The following TVP23C variants were observed in gnomAD, a reference collection of about 807,000 sequenced individuals.
The protein encoded by TVP23C is trans-golgi network vesicle protein 23 homolog C.
Under a neutral mutation model 28.7 loss-of-function variants are expected in TVP23C, and 19 were observed. That is an observed-to-expected ratio of 0.66 (90% CI 0.46 to 0.97). The LOEUF (loss-of-function observed/expected upper bound fraction) is 0.97, where lower values mean the gene tolerates loss of function less well. TVP23C is among the 50% of genes least tolerant of loss of function. The pLI, the probability that TVP23C is intolerant of heterozygous loss-of-function variation, is 0.00. For synonymous variants in TVP23C, 68 were observed against 81.7 expected (o/e 0.83, Z 0.90); for missense variants, 186 against 241.3 (o/e 0.77, Z 1.52).
chr17:15,555,368 G>T lies in TVP23C; in HGVS notation c.13-4C>A. The stretch of plus-strand genomic sequence containing the variant: ...CTTCAGTGTCATCATTACTATCCTG[G>T]TTGGAAAAATAAATGGTCAAGAAGC... On this transcript the variant is annotated splice_polypyrimidine_tract_variant and splice_region_variant and intron_variant, in intron 1 of 5. Transcript: ENST00000518321. 1 of 1,613,868 alleles carries T rather than the reference G, an allele frequency of 6.2e-7. No individual in the cohort carries two copies. Among genetic ancestry groups the T allele is most frequent in the Non-Finnish European group, 8.5e-7 (1 of 1,179,840 alleles).
intron 1 of TVP23C, among the ~76,000 whole-genome samples, chr17:15,559,479 A>C (rs1443422531): frequency 6.7e-6 from 1 of 149,020 alleles, no homozygotes; most frequent in Non-Finnish European, 1.5e-5. Flanking sequence ...AAACCAAAAA[A>C]GCATTGAAAG....
chr17:15,510,459 G>T (rs1242936783), intron 5 of TVP23C, among the ~76,000 whole-genome samples: 1 of 152,150 alleles, frequency 6.6e-6, no homozygotes, highest in Non-Finnish European at 1.5e-5. Context: ...AGTCAGAATG[G>T]CTACTATTAA....
At chr17:15,503,308 G>T in intron 5 of TVP23C, 1 of 1,429,612 alleles carries the variant, frequency 7.0e-7, no homozygotes, top group Non-Finnish European at 9.1e-7. Flanking sequence ...GACAGGCCGA[G>T]ATGGGAGGAT....
intron 1 of TVP23C, among the ~76,000 whole-genome samples, chr17:15,561,136 G>A (rs1382762901): frequency 1.3e-5 from 2 of 152,178 alleles, no homozygotes; most frequent in Non-Finnish European, 2.9e-5. Flanking sequence ...TCCATTTTCA[G>A]TGAAACAAGA....
At chr17:15,524,495 A>G (rs1284279271) in intron 5 of TVP23C, among the ~76,000 whole-genome samples, 2 of 152,306 alleles carry the variant, frequency 1.3e-5, no homozygotes, top group South Asian at 2.1e-4. Context: ...GAGACAGGAG[A>G]TAGGAAAAAG....
intron 1 of TVP23C, among the ~76,000 whole-genome samples, chr17:15,559,114 C>T (rs1984263869): frequency 6.8e-6 from 1 of 147,932 alleles, no homozygotes; most frequent in Admixed American, 6.9e-5. Flanking sequence ...GCATGAGCCA[C>T]CATGCCCAGG....
At chr17:15,540,905 A>G (rs1001643856) in intron 5 of TVP23C, among the ~76,000 whole-genome samples, 13 of 152,208 alleles carry the variant, frequency 8.5e-5, no homozygotes, top group African/African-American at 2.7e-4. Flanking sequence ...AGTAAATGAG[A>G]CTCAGGAAAG....
intron 5 of TVP23C, among the ~76,000 whole-genome samples, chr17:15,504,492 G>A (rs1157542627): frequency 1.3e-5 from 2 of 152,200 alleles, no homozygotes; most frequent in Admixed American, 6.5e-5. Context: ...TAAGAGTTGA[G>A]AGCGCGGAAG....
intron 5 of TVP23C, among the ~76,000 whole-genome samples, chr17:15,528,610 T>G (rs1216342011): frequency 3.3e-5 from 5 of 151,610 alleles, no homozygotes; most frequent in Non-Finnish European, 2.9e-5. Context: ...GTCTGTTGGG[T>G]TTTTTTGTTT....
At chr17:15,520,830 A>G (rs1032118334) in intron 5 of TVP23C, among the ~76,000 whole-genome samples, 5 of 152,008 alleles carry the variant, frequency 3.3e-5, no homozygotes, top group African/African-American at 4.8e-5. Flanking sequence ...GAAATGAAGG[A>G]AAAAAAATCT....
intron 1 of TVP23C, among the ~76,000 whole-genome samples, chr17:15,561,497 G>T (rs965847285): frequency 6.6e-6 from 1 of 152,114 alleles, no homozygotes; most frequent in African/African-American, 2.4e-5. Context: ...TACTCTGGAG[G>T]GTGAGGCAGA....
Position 15,537,874 on chromosome 17 carries a change from G to A in TVP23C, c.*2538C>T. The A allele has an allele frequency of 1.5e-6, 2 of 1,379,110 alleles. No individual in the cohort carries two copies. The highest frequency in any genetic ancestry group is 2.7e-5 in the East Asian group (1 of 37,158). 85.4% of individuals were successfully genotyped at this position (1,379,110 alleles called of 1,614,324 possible). ...TTACATGGCCGTGTGCATACCTATGGAATGTGCATACCTACACCACAGAAC... is the reference window on the plus strand; with the variant it reads ...TTACATGGCCGTGTGCATACCTATGAAATGTGCATACCTACACCACAGAAC... On this transcript the variant is annotated 3_prime_UTR_variant, in exon 6 of 6. Coordinates refer to ENST00000518321, the MANE Select transcript of TVP23C (RefSeq NM_001135036.2).
chr17:15,527,249 C>A (rs1407091280), intron 5 of TVP23C, among the ~76,000 whole-genome samples: 4 of 152,168 alleles, frequency 2.6e-5, no homozygotes, highest in African/African-American at 7.2e-5. Flanking sequence ...ATACTCACTG[C>A]CCATGTTTCA....
chr17:15,518,840 C>T (rs1487302285), intron 5 of TVP23C, among the ~76,000 whole-genome samples: 1 of 152,156 alleles, frequency 6.6e-6, no homozygotes. Context: ...TGGTTTGGCT[C>T]TGTGACCTCA....
chr17:15,526,015 G>C (rs1982710041), intron 5 of TVP23C, among the ~76,000 whole-genome samples: 1 of 152,216 alleles, frequency 6.6e-6, no homozygotes, highest in South Asian at 2.1e-4. Flanking sequence ...AACACAGCAA[G>C]TAAGTATGAA....
At chr17:15,561,289 A>G (rs4365325) in intron 1 of TVP23C, among the ~76,000 whole-genome samples, 64,606 of 151,908 alleles carry the variant, frequency 0.43, 16,210 homozygotes, top group Non-Finnish European at 0.57. Context: ...TGAGGTTCAC[A>G]TCACAAACTT....
chr17:15,506,886 C>A, intron 5 of TVP23C: 1 of 836,732 alleles, frequency 1.2e-6, no homozygotes. Flanking sequence ...CCACCATGTT[C>A]TTCAACATCG....
At chr17:15,561,542 T>G (rs1443945120) in intron 1 of TVP23C, among the ~76,000 whole-genome samples, 1 of 150,076 alleles carries the variant, frequency 6.7e-6, no homozygotes, top group Non-Finnish European at 1.5e-5. Flanking sequence ...GAGGTTGCAG[T>G]GAGCCGAGAT....
At chr17:15,523,515 G>A (rs912173886) in intron 5 of TVP23C, among the ~76,000 whole-genome samples, 5 of 149,720 alleles carry the variant, frequency 3.3e-5, no homozygotes, top group Admixed American at 6.7e-5. Context: ...CACCATGTTG[G>A]CCAGGCTAGT....
Sources: allele counts gnomAD v4.1 joint callset (sites outside exome capture counted in the v4.1 genomes callset), GRCh38; gene constraint gnomAD v4.1.1; transcripts MANE v1.5; gene names NCBI Gene and HGNC (gene_info 2026-07-23, HGNC 2026-07-21).